Variants in SMG5 observed in about 807,000 individuals in gnomAD.
SMG5 encodes the protein nonsense-mediated mRNA decay factor SMG5.
In SMG5, 53 loss-of-function variants were observed where a neutral mutation model predicts 122.9. That is an observed-to-expected ratio of 0.43 (90% CI 0.35 to 0.54). The LOEUF (loss-of-function observed/expected upper bound fraction) is 0.54, where lower values mean the gene tolerates loss of function less well. SMG5 is among the 20% of genes least tolerant of loss of function. The pLI is 0.01. For missense variants in SMG5, 1,153 were observed against 1,285.6 expected (o/e 0.90, Z 1.58); for synonymous variants, 477 against 490.2 (o/e 0.97, Z 0.35).
Position 156,267,447 on chromosome 1 carries a change from AAG to A in SMG5, c.1117+21_1117+22del, listed in dbSNP as rs767248943. On this transcript the variant is annotated intron_variant, in intron 10 of 21. Coordinates refer to ENST00000361813, the MANE Select transcript of SMG5 (RefSeq NM_015327.3). ...GATCCCCAAAGCCAGTGGAAGAGAAAAGAGGAACATAGGGAAGGTTACCTGCT... is the reference window on the plus strand; with the variant it reads ...GATCCCCAAAGCCAGTGGAAGAGAAAAGGAACATAGGGAAGGTTACCTGCT... 5 of 1,610,850 alleles carry A rather than the reference AAG, an allele frequency of 3.1e-6. No individual in the cohort carries two copies. The South Asian group carries it at 5.5e-5, about 18-fold the overall frequency.
chr1:156,263,250 T>C (rs766204184), intron 13 of SMG5, 145 bp downstream of exon 13: 28 of 924,786 alleles, frequency 3.0e-5, no homozygotes, highest in Middle Eastern at 3.5e-4. Context: ...TGTCAGAGCA[T>C]AAGGGCCCAG....
rs1271874207 is a variant in SMG5 at position 156,249,956 on chromosome 1, TGCA to T, written c.*628_*630del. ...GTGGGGCAATGGGATGTGCAGCCCCTGCAGCAGGAGGAGGAGCACACGAACCCT... is the reference window on the plus strand; with the variant it reads ...GTGGGGCAATGGGATGTGCAGCCCCTGCAGGAGGAGGAGCACACGAACCCT... On this transcript the variant is annotated 3_prime_UTR_variant, in exon 22 of 22. Transcript: ENST00000361813. 2 of 470,772 alleles carry T rather than the reference TGCA, an allele frequency of 4.2e-6. No individual in the cohort carries two copies. The highest frequency in any genetic ancestry group is 8.8e-6 in the Non-Finnish European group (2 of 226,904). The allele number at this position is 470,772 out of a possible 1,614,324, so 29.2% of individuals were successfully genotyped here.
chr1:156,271,737 C>T (rs1052851523), intron 7 of SMG5, among the ~76,000 whole-genome samples: 10 of 134,890 alleles, frequency 7.4e-5, no homozygotes, highest in Admixed American at 2.4e-4. Flanking sequence ...GGATTAGAGG[C>T]GCTCACCACC....
chr1:156,285,747 G>T (rs768167165), upstream of SMG5: 58 of 1,613,330 alleles, frequency 3.6e-5, no homozygotes, highest in Middle Eastern at 4.9e-4. Flanking sequence ...GAGCGCAAGT[G>T]GGCTGAGGCA....
chr1:156,262,459 G>GAGCC (rs1335288607), intron 13 of SMG5, among the ~76,000 whole-genome samples: 1 of 141,252 alleles, frequency 7.1e-6, no homozygotes, highest in Non-Finnish European at 1.5e-5. Flanking sequence ...CTGGGCGACA[G>GAGCC]AGCCAGACTC....
intron 1 of SMG5, among the ~76,000 whole-genome samples, chr1:156,280,521 T>C (rs1662889381): frequency 6.6e-6 from 1 of 152,232 alleles, no homozygotes; most frequent in Admixed American, 6.5e-5. Context: ...TGCCAAGCCC[T>C]TTTGGCCAAC....
Position 156,265,825 on chromosome 1 carries a change from T to C in SMG5, c.1811A>G (p.His604Arg), listed in dbSNP as rs770913370. ...PTTNPHTSAS[H>R]RPCVNGDVDK... Reference sequence around the variant, plus strand: ...TACATCCCCATTGACGCAAGGCCTGTGGCTGGCCGAGGTATGAGGGTTGGT... The same window carrying C: ...TACATCCCCATTGACGCAAGGCCTGCGGCTGGCCGAGGTATGAGGGTTGGT... The change falls in exon 12 of 22, where the codon CAC (histidine) becomes CGC (arginine). Residue 604 changes from histidine to arginine, a missense_variant. By Grantham distance (29) the His-to-Arg change is conservative (BLOSUM62 0). Coordinates refer to ENST00000361813, the MANE Select transcript of SMG5 (RefSeq NM_015327.3). 1.2e-6 allele frequency: 2 copies of C among 1,614,012 alleles called. No homozygotes were observed. The highest frequency in any genetic ancestry group is 8.5e-7 in the Non-Finnish European group (1 of 1,180,020).
chr1:156,254,158 C>T (rs2103207802), intron 16 of SMG5, among the ~76,000 whole-genome samples: 1 of 152,286 alleles, frequency 6.6e-6, no homozygotes, highest in South Asian at 2.1e-4. Context: ...CAAATCCTTC[C>T]ACCTCCACTG....
intron 4 of SMG5, among the ~76,000 whole-genome samples, chr1:156,275,899 C>G (rs558338421): frequency 2.2e-4 from 34 of 151,528 alleles, no homozygotes; most frequent in Admixed American, 1.8e-3. Flanking sequence ...ACTGCAGCCT[C>G]GAACTCCTGG....
intron 7 of SMG5, among the ~76,000 whole-genome samples, chr1:156,271,720 G>C (rs1662444739): frequency 8.7e-6 from 1 of 114,626 alleles, no homozygotes; most frequent in African/African-American, 3.0e-5. Flanking sequence ...AGCCTCCCAA[G>C]TAGCTAGGAT....
chr1:156,285,643 G>T, upstream of SMG5: 1 of 1,614,012 alleles, frequency 6.2e-7, no homozygotes, highest in Admixed American at 1.7e-5. Context: ...GCATTGAGCG[G>T]CAGCCCCAAG....
At chr1:156,282,423 C>T (rs894238476) in intron 1 of SMG5, among the ~76,000 whole-genome samples, 184 bp downstream of exon 1, 2 of 152,192 alleles carry the variant, frequency 1.3e-5, no homozygotes, top group Admixed American at 1.3e-4. Flanking sequence ...CTCCCACCTA[C>T]CCAATTCCTC....
At chr1:156,278,426 G>A (rs1162950275) in intron 2 of SMG5, among the ~76,000 whole-genome samples, 8 of 149,744 alleles carry the variant, frequency 5.3e-5, no homozygotes, top group African/African-American at 7.4e-5. Context: ...TGGCAGTGGC[G>A]GGATCATAGC....
At chr1:156,252,342 G>A (rs539385979) in intron 19 of SMG5, 72 bp downstream of exon 19, 47 of 1,430,730 alleles carry the variant, frequency 3.3e-5, no homozygotes, top group Non-Finnish European at 4.5e-5. Flanking sequence ...GGGAGCAAGG[G>A]GCTTTCATAA....
At chr1:156,267,398 G>C in intron 10 of SMG5, 72 bp downstream of exon 10, 2 of 1,456,510 alleles carry the variant, frequency 1.4e-6, no homozygotes, top group African/African-American at 1.4e-5. Flanking sequence ...TTATGAATAA[G>C]GAGCTGCAGA....
rs550868260 is a variant in SMG5 at position 156,263,418 on chromosome 1, C to T, written c.2008G>A (p.Asp670Asn). Reference protein sequence around the residue: ...VFLDWLRTNPDLIIVCAQSSQ... With the variant: ...VFLDWLRTNPNLIIVCAQSSQ... ...ACCTGCGCACACACGATGATGAGGT[C>T]GGGGTTGGTCCGAAGCCAGTCCAGG... is the stretch of plus-strand genomic sequence containing the variant. Residue 670 changes from aspartate to asparagine, a missense_variant, in exon 13 of 22, where the codon GAC becomes AAC. Asp to Asn is a conservative substitution (Grantham distance 23). Around this residue, in one of 5 missense-constraint regions of SMG5, gnomAD observed 631 missense variants for 650.6 expected, o/e 0.97. Coordinates refer to ENST00000361813, the MANE Select transcript of SMG5 (RefSeq NM_015327.3). The T allele has an allele frequency of 1.7e-5, 28 of 1,613,998 alleles. No homozygotes were observed. In the East Asian group the frequency reaches 3.3e-4, roughly 19 times the overall value.
At position 156,259,139 on chromosome 1, in the gene SMG5, G is replaced by A. The variant is rs1481404533; in HGVS notation, c.2308C>T (p.Arg770Cys). ...EESVVRICCIRSFGHFIARLQ... is the reference protein window; with the variant it reads ...EESVVRICCICSFGHFIARLQ... ...CGGGCGATGAAATGACCAAAGCTGC[G>A]GATGCAGCAGATGCGCACCACTGAC... Residue 770 changes from arginine (R) to cysteine (C), a missense_variant, in exon 16 of 22, where the codon CGC (arginine) becomes TGC (cysteine). Coordinates refer to ENST00000361813, the MANE Select transcript of SMG5 (RefSeq NM_015327.3). 1.9e-5 allele frequency: 30 copies of A among 1,596,750 alleles called. No individual in the cohort carries two copies. The highest frequency in any genetic ancestry group is 2.3e-5 in the South Asian group (2 of 87,948).
intron 10 of SMG5, 101 bp from the exon 11 acceptor site, chr1:156,266,779 A>T: frequency 1.6e-6 from 2 of 1,256,750 alleles, no homozygotes; most frequent in Non-Finnish European, 2.2e-6. Context: ...TCTTCCAAGG[A>T]TCCAACTACT....
At chr1:156,261,019 C>A (rs1211751669) in intron 14 of SMG5, among the ~76,000 whole-genome samples, 2 of 152,210 alleles carry the variant, frequency 1.3e-5, no homozygotes, top group African/African-American at 4.8e-5. Context: ...AGGTCAAAGT[C>A]AATTCTCAAT....
Sources: gnomAD v4.1 joint callset for allele counts (sites outside exome capture counted in the v4.1 genomes callset) on GRCh38, gnomAD v4.1.1 for gene constraint, gnomAD v4.1.1 regional missense constraint, MANE v1.5 for transcripts, NCBI Gene and HGNC (gene_info 2026-07-23, HGNC 2026-07-21) for gene names.